The following UFD1 variants were observed in gnomAD, a reference collection of about 807,000 sequenced individuals.
UFD1 encodes the protein ubiquitin recognition factor in ER-associated degradation protein 1.
UFD1 carries 13 observed loss-of-function variants against 45.9 expected under a neutral mutation model. That is an observed-to-expected ratio of 0.28 (90% confidence interval 0.18 to 0.45). The LOEUF is 0.45. UFD1 is among the 20% of genes least tolerant of loss of function. UFD1 has a pLI of 1.00. For missense variants in UFD1, 218 were observed against 389.2 expected, an observed-to-expected ratio of 0.56 and a Z score of 3.70; for synonymous variants, 128 against 139.2, an observed-to-expected ratio of 0.92 and a Z score of 0.56.
chr22:19,451,567 TGA>T, intron 11 of UFD1: 1 of 985,478 alleles, frequency 1.0e-6, no homozygotes, highest in Non-Finnish European at 1.2e-6. Context: ...CTAGTCAGTC[TGA>T]GGCATTATCT....
Position 19,450,416 on chromosome 22 carries a change from G to T in UFD1, c.*254C>A. 1 of 437,054 alleles carries T rather than the reference G, an allele frequency of 2.3e-6. No individual in the cohort carries two copies. The highest frequency in any genetic ancestry group is 4.2e-6 in the Non-Finnish European group (1 of 240,916). 27.1% of individuals were successfully genotyped at this position (437,054 alleles called of 1,614,324 possible). A position where few individuals can be genotyped will look rare whatever the true frequency, so the allele number is the denominator to read the frequency against. On this transcript the variant is annotated 3_prime_UTR_variant, in exon 12 of 12. Coordinates refer to ENST00000263202, the MANE Select transcript of UFD1 (RefSeq NM_005659.7). ...TGGGAGCTCCCCTCAAGCTGAAAGC[G>T]TGAAGAGGTGAGGAGGCAGCTATCT... is the stretch of plus-strand genomic sequence containing the variant.
Position 19,475,584 on chromosome 22 carries a change from C to A in UFD1, c.22G>T (p.Asp8Tyr). MFSFNMF[D>Y]HPIPRVFQNR... ...TGGAAGACCCTGGGAATAGGGTGGT[C>A]GAACATGTTGAAAGAGAACTAGAAG... The change falls in exon 2 of 12, where the codon GAC (aspartate) becomes TAC (tyrosine). Residue 8 changes from aspartate (D) to tyrosine (Y), a missense_variant. This residue lies in a region of UFD1 where 149 missense variants were observed against 307.5 expected (regional missense o/e 0.48). Transcript: ENST00000263202. 6.2e-7 allele frequency: 1 copy of A among 1,613,816 alleles called. No individual in the cohort carries two copies. Among genetic ancestry groups the A allele is most frequent in the Non-Finnish European group, 8.5e-7 (1 of 1,179,902 alleles).
intron 6 of UFD1, among the ~76,000 whole-genome samples, chr22:19,462,653 CAA>C (rs1056344951): frequency 2.6e-5 from 4 of 151,818 alleles, no homozygotes; most frequent in African/African-American, 7.3e-5. Flanking sequence ...CAGGGTGAGA[CAA>C]AGAGAGACTC....
intron 1 of UFD1, among the ~76,000 whole-genome samples, chr22:19,476,573 A>AC (rs1171001349): frequency 4.4e-5 from 4 of 90,304 alleles, no homozygotes; most frequent in Non-Finnish European, 6.3e-5. Flanking sequence ...TATTCCTCCC[A>AC]CCCCCCACCC....
intron 11 of UFD1, 153 bp downstream of exon 11, chr22:19,454,596 C>G (rs2089708319): frequency 2.7e-6 from 4 of 1,471,772 alleles, no homozygotes; most frequent in Admixed American, 2.3e-5. Context: ...AAACCTCTTT[C>G]TTTTGTAAAT....
chr22:19,471,277 C>G, intron 4 of UFD1: 1 of 521,464 alleles, frequency 1.9e-6, no homozygotes, highest in Non-Finnish European at 3.8e-6. Context: ...TGGGAGACTA[C>G]GTCAGAGGTA....
chr22:19,456,711 G>C, intron 8 of UFD1, 77 bp from the exon 9 acceptor site: 2 of 1,613,270 alleles, frequency 1.2e-6, no homozygotes, highest in East Asian at 2.2e-5. Flanking sequence ...CCCCCGGCTA[G>C]GATGTCCCCC....
chr22:19,456,459 T>C, intron 9 of UFD1, 128 bp downstream of exon 9: 10 of 1,254,938 alleles, frequency 8.0e-6, no homozygotes, highest in Non-Finnish European at 1.2e-5. Context: ...GATTTGCATA[T>C]GCACAGGTAC....
intron 4 of UFD1, among the ~76,000 whole-genome samples, chr22:19,470,447 G>GTTT (rs58791056): frequency 1.4e-5 from 2 of 147,238 alleles, no homozygotes; most frequent in Non-Finnish European, 3.0e-5. Context: ...TATTATTGTT[G>GTTT]TTTTTTTTTT....
At chr22:19,477,956 C>G (rs1274288768) in intron 1 of UFD1, among the ~76,000 whole-genome samples, 1 of 152,172 alleles carries the variant, frequency 6.6e-6, no homozygotes, top group Non-Finnish European at 1.5e-5. Flanking sequence ...TAAATCTTGG[C>G]CAGAACCATA....
intron 10 of UFD1, among the ~76,000 whole-genome samples, chr22:19,455,349 C>T (rs185478287): frequency 2.6e-5 from 4 of 152,138 alleles, no homozygotes; most frequent in African/African-American, 4.8e-5. Context: ...GGAAAATAGG[C>T]AGATCACCAA....
intron 11 of UFD1, chr22:19,453,139 G>C: frequency 1.0e-6 from 1 of 985,324 alleles, no homozygotes; most frequent in Middle Eastern, 5.2e-4. Flanking sequence ...TCTGGGATGG[G>C]GGAGGGAGGG....
At chr22:19,451,880 G>A (rs1445862592) in intron 11 of UFD1, 1 of 985,302 alleles carries the variant, frequency 1.0e-6, no homozygotes, top group African/African-American at 1.7e-5. Context: ...TGCCGTACCT[G>A]GACTGGCCTT....
intron 1 of UFD1, 124 bp downstream of exon 1, chr22:19,478,959 G>A (rs888419243): frequency 3.7e-6 from 5 of 1,346,210 alleles, no homozygotes; most frequent in Non-Finnish European, 5.0e-6. Flanking sequence ...TGAGCCTGCA[G>A]GCCGGACTCA....
chr22:19,479,126 G>A lies in UFD1; in HGVS notation c.-41C>T, dbSNP rs746669457. On this transcript the variant is annotated 5_prime_UTR_variant, in exon 1 of 12. Transcript: ENST00000263202. ...GCAGACTCCGCTCCTCTCAGGCAATGCAACGAAGAAACCCCGCCGACCGCT... is the reference window on the plus strand; with the variant it reads ...GCAGACTCCGCTCCTCTCAGGCAATACAACGAAGAAACCCCGCCGACCGCT... 4 of 1,608,904 alleles carry A rather than the reference G, an allele frequency of 2.5e-6. No homozygotes were observed. The highest frequency in any genetic ancestry group is 2.2e-5 in the South Asian group (2 of 90,472).
chr22:19,469,319 C>T (rs1780914694), intron 4 of UFD1, among the ~76,000 whole-genome samples: 1 of 152,154 alleles, frequency 6.6e-6, no homozygotes, highest in African/African-American at 2.4e-5. Context: ...GCTGCAATTG[C>T]AAGCCTGAGG....
At chr22:19,453,364 A>G (rs1056617878) in intron 11 of UFD1, 2 of 985,240 alleles carry the variant, frequency 2.0e-6, no homozygotes, top group Non-Finnish European at 2.4e-6. Context: ...GGGCTGCAGG[A>G]TGGAATAGAG....
intron 7 of UFD1, 122 bp downstream of exon 7, chr22:19,457,949 C>T (rs923283029): frequency 4.1e-6 from 4 of 965,488 alleles, no homozygotes; most frequent in African/African-American, 3.2e-5. Context: ...CAGCATCTTC[C>T]TCCTCTTTAC....
intron 11 of UFD1, chr22:19,454,045 C>T (rs1395063170): frequency 2.8e-5 from 28 of 985,590 alleles, no homozygotes; most frequent in Non-Finnish European, 3.3e-5. Context: ...TCCTCTGTCC[C>T]GCCACCACCC....
Sources: allele counts gnomAD v4.1 joint callset (sites outside exome capture counted in the v4.1 genomes callset), GRCh38; gene constraint gnomAD v4.1.1; regional missense constraint gnomAD v4.1.1; transcripts MANE v1.5; gene names NCBI Gene and HGNC (gene_info 2026-07-23, HGNC 2026-07-21).